Variants in PGR observed in about 807,000 individuals in gnomAD.
PGR encodes the protein progesterone receptor.
PGR carries 25 observed loss-of-function variants against 76.1 expected under a neutral mutation model. The observed-to-expected ratio is 0.33, with a 90% CI of 0.24 to 0.46. The LOEUF (loss-of-function observed/expected upper bound fraction) is 0.46, where lower values mean the gene tolerates loss of function less well. Ranked by LOEUF, PGR falls within the 20% of genes least tolerant of loss-of-function variation. The pLI is 1.00. For missense variants in PGR, 1,172 were observed against 1,225.3 expected (o/e 0.96, Z 0.65); for synonymous variants, 579 against 535.0 (o/e 1.08, Z -1.14).
At chr11:101,057,829 T>TC (rs1322840045) in intron 4 of PGR, among the ~76,000 whole-genome samples, 1 of 152,170 alleles carries the variant, frequency 6.6e-6, no homozygotes, top group African/African-American at 2.4e-5. Flanking sequence ...TCATGCTGAC[T>TC]TAGAAGTCAT....
At chr11:101,073,820 G>A (rs547276433) in intron 3 of PGR, among the ~76,000 whole-genome samples, 148 of 152,226 alleles carry the variant, frequency 9.7e-4, no homozygotes, top group Non-Finnish European at 1.9e-3. Flanking sequence ...AACAAGTTCT[G>A]AAATTGAGGC....
At chr11:101,104,876 A>G (rs1468143155) in intron 2 of PGR, among the ~76,000 whole-genome samples, 1 of 152,200 alleles carries the variant, frequency 6.6e-6, no homozygotes, top group Non-Finnish European at 1.5e-5. Context: ...CTGGTGTTAA[A>G]TGAAACAACT....
At position 101,038,019 on chromosome 11, in the gene PGR, G is replaced by A. The variant is rs563958101; in HGVS notation, c.*1097C>T. 2.7e-4 allele frequency: 56 copies of A among 208,622 alleles called. No homozygotes were observed. Among genetic ancestry groups the A allele is most frequent in the African/African-American group, 1.0e-3 (46 of 44,124 alleles). 12.9% of individuals were successfully genotyped at this position (208,622 alleles called of 1,614,324 possible). On this transcript the variant is annotated 3_prime_UTR_variant, in exon 8 of 8. Coordinates refer to ENST00000325455, the MANE Select transcript of PGR (RefSeq NM_000926.4). ...GATTTTACAGAAATGACATTTGGCT[G>A]AGTCTCGAAGGTTGAAACATGCATG...
At chr11:101,126,259 A>T (rs1862835281) in intron 1 of PGR, 101 bp from the exon 2 acceptor site, 2 of 1,105,162 alleles carry the variant, frequency 1.8e-6, no homozygotes, top group African/African-American at 3.1e-5. Flanking sequence ...AGGAGATTTT[A>T]AAAACAGAAC....
intron 3 of PGR, among the ~76,000 whole-genome samples, chr11:101,090,828 A>G (rs1382096223): frequency 2.6e-5 from 4 of 152,212 alleles, no homozygotes; most frequent in African/African-American, 9.6e-5. Context: ...TTGGTCCAGC[A>G]CATTTGCAAA....
At chr11:101,088,393 G>A (rs567186470) in intron 3 of PGR, among the ~76,000 whole-genome samples, 181 of 152,180 alleles carry the variant, frequency 1.2e-3, no homozygotes, top group African/African-American at 4.0e-3. Flanking sequence ...GTGCAGTGGC[G>A]CGAACTCAGC....
intron 2 of PGR, among the ~76,000 whole-genome samples, chr11:101,104,640 G>T (rs1282472791): frequency 6.6e-6 from 1 of 152,080 alleles, no homozygotes; most frequent in African/African-American, 2.4e-5. Context: ...CTCTGTTACT[G>T]CATTTTGGAT....
At chr11:101,115,915 A>G (rs751796977) in intron 2 of PGR, among the ~76,000 whole-genome samples, 10 of 152,216 alleles carry the variant, frequency 6.6e-5, no homozygotes, top group Non-Finnish European at 1.0e-4. Context: ...GCTGAAATGT[A>G]TTGGGCCAAT....
chr11:101,112,584 C>CA (rs1862377632), intron 2 of PGR, among the ~76,000 whole-genome samples: 1 of 152,056 alleles, frequency 6.6e-6, no homozygotes, highest in Admixed American at 6.6e-5. Flanking sequence ...AAAGTGAGGA[C>CA]AGGGGAGTGC....
Position 101,035,615 on chromosome 11 carries a change from C to G in PGR, c.*3501G>C. ...TTGGAGGGGCTGTGTTCTAGTCAGG[C>G]TCTCTGTTCTAAAAAGACACTTAAA... On this transcript the variant is annotated 3_prime_UTR_variant, in exon 8 of 8. Transcript: ENST00000325455. 4.3e-6 allele frequency: 1 copy of G among 232,012 alleles called. No individual in the cohort carries two copies. The highest frequency in any genetic ancestry group is 5.6e-5 in the Admixed American group (1 of 17,764). The allele number at this position is 232,012 out of a possible 1,614,324, so 14.4% of individuals were successfully genotyped here. A position where few individuals can be genotyped will look rare whatever the true frequency, so the allele number is the denominator to read the frequency against.
At chr11:101,077,897 A>T (rs765485531) in intron 3 of PGR, among the ~76,000 whole-genome samples, 11 of 152,324 alleles carry the variant, frequency 7.2e-5, no homozygotes, top group Middle Eastern at 3.4e-3. Flanking sequence ...TGTGAGGTCT[A>T]GAGAGGTAGG....
chr11:101,124,341 T>A (rs1862774202), intron 2 of PGR, among the ~76,000 whole-genome samples: 1 of 152,208 alleles, frequency 6.6e-6, no homozygotes, highest in African/African-American at 2.4e-5. Context: ...ATATGCACTT[T>A]ATGAAATAAC....
chr11:101,099,271 AAC>A (rs1861926680), intron 2 of PGR, among the ~76,000 whole-genome samples: 1 of 152,236 alleles, frequency 6.6e-6, no homozygotes, highest in Non-Finnish European at 1.5e-5. Context: ...AATGTGGATG[AAC>A]TACATAAGTA....
chr11:101,090,910 G>A (rs1861655919), intron 3 of PGR, among the ~76,000 whole-genome samples: 1 of 152,064 alleles, frequency 6.6e-6, no homozygotes, highest in African/African-American at 2.4e-5. Context: ...TTTCCCAAAG[G>A]AAAATACACA....
In PGR at chr11:101,095,761, C is replaced by A. The variant is rs1196281909; in HGVS notation, c.1790-3885G>T. Among the ~76,000 whole-genome samples the A allele has an allele frequency of 2.0e-5, 3 of 152,170 alleles. No homozygotes were observed. The East Asian group carries it at 5.8e-4, about 29-fold the overall frequency. The stretch of plus-strand genomic sequence containing the variant: ...GAGCTTAGAATAGTCTGGCACATAG[C>A]AAGTACTTAACAAATGTCTATTATA... On this transcript the variant is annotated intron_variant, in intron 2 of 7. Coordinates refer to ENST00000325455, the MANE Select transcript of PGR (RefSeq NM_000926.4).
intron 3 of PGR, among the ~76,000 whole-genome samples, chr11:101,085,032 GCAGAAGA>G (rs1386022590): frequency 6.6e-5 from 10 of 152,194 alleles, no homozygotes; most frequent in Non-Finnish European, 1.3e-4. Context: ...GATCATCAAG[GCAGAAGA>G]CTAACAAAGA....
intron 4 of PGR, among the ~76,000 whole-genome samples, chr11:101,056,171 C>T (rs1381794972): frequency 6.6e-6 from 1 of 151,176 alleles, no homozygotes; most frequent in African/African-American, 2.4e-5. Flanking sequence ...TTGAGATGAC[C>T]AAAATGAAAA....
intron 6 of PGR, among the ~76,000 whole-genome samples, chr11:101,048,414 ACT>A (rs1477706372): frequency 6.6e-6 from 1 of 152,128 alleles, no homozygotes; most frequent in Non-Finnish European, 1.5e-5. Context: ...TGATTTCATC[ACT>A]GTGTGATTAT....
chr11:101,047,830 T>C (rs1859945730), intron 6 of PGR, among the ~76,000 whole-genome samples: 1 of 152,084 alleles, frequency 6.6e-6, no homozygotes. Flanking sequence ...CCCTTGGGGA[T>C]CCACTGAGGC....
Sources: allele counts gnomAD v4.1 joint callset (sites outside exome capture counted in the v4.1 genomes callset), GRCh38; gene constraint gnomAD v4.1.1; transcripts MANE v1.5; gene names NCBI Gene and HGNC (gene_info 2026-07-23, HGNC 2026-07-21).